Variants in CD163L1 observed in about 807,000 individuals in gnomAD.
The protein encoded by CD163L1 is CD163 molecule like 1, also known as scavenger receptor cysteine-rich type 1 protein M160.
Under a neutral mutation model 165.4 loss-of-function variants are expected in CD163L1, and 124 were observed. The ratio of observed to expected loss-of-function variants is 0.75; its 90% CI spans 0.65 to 0.87. The LOEUF is 0.87. CD163L1 is among the 40% of genes least tolerant of loss of function. The probability of loss-of-function intolerance (pLI) is 0.00; values close to 1 mark genes in which losing one functional copy is unlikely to be tolerated. For synonymous variants in CD163L1, 585 were observed against 662.2 expected (o/e 0.88, Z 1.79); for missense variants, 1,525 against 1,799.9 (o/e 0.85, Z 2.76).
At chr12:7,341,186 CATT>C in the CD163L1 span, among the ~76,000 whole-genome samples, 2 of 152,100 alleles carry the variant, frequency 1.3e-5, no homozygotes, top group Admixed American at 6.5e-5. Flanking sequence ...AGTCACAGAA[CATT>C]AGCTCTAGAA....
intron 8 of CD163L1, among the ~76,000 whole-genome samples, chr12:7,380,714 A>C (rs1226424153): frequency 6.6e-6 from 1 of 152,170 alleles, no homozygotes; most frequent in African/African-American, 2.4e-5. Context: ...TCAAAATCTC[A>C]CAAATCAAAA....
At chr12:7,415,218 T>A (rs1194341422) in intron 4 of CD163L1, among the ~76,000 whole-genome samples, 2 of 152,072 alleles carry the variant, frequency 1.3e-5, no homozygotes, top group African/African-American at 2.4e-5. Context: ...AGATCTGCAT[T>A]TCATGGGAGT....
At chr12:7,428,014 A>C (rs964531922) in intron 4 of CD163L1, among the ~76,000 whole-genome samples, 6 of 152,104 alleles carry the variant, frequency 3.9e-5, no homozygotes, top group Non-Finnish European at 7.4e-5. Context: ...AGCTTTGTTT[A>C]TATGTCATTC....
chr12:7,361,024 G>A (rs1375709447), intron 18 of CD163L1, among the ~76,000 whole-genome samples: 1 of 152,088 alleles, frequency 6.6e-6, no homozygotes, highest in Non-Finnish European at 1.5e-5. Flanking sequence ...GGTTCAGATT[G>A]CAAGTTCTGT....
At chr12:7,414,234 G>A (rs1394724038) in intron 4 of CD163L1, among the ~76,000 whole-genome samples, 1 of 152,070 alleles carries the variant, frequency 6.6e-6, no homozygotes, top group Non-Finnish European at 1.5e-5. Context: ...GGAAAATAAT[G>A]TATGAACAAA....
intron 1 of CD163L1, among the ~76,000 whole-genome samples, chr12:7,441,649 T>C (rs1948832470): frequency 6.6e-6 from 1 of 152,226 alleles, no homozygotes; most frequent in South Asian, 2.1e-4. Flanking sequence ...ATTCATTTGC[T>C]CCTTTATTGA....
the CD163L1 span, among the ~76,000 whole-genome samples, chr12:7,338,342 A>G: frequency 6.6e-6 from 1 of 152,158 alleles, no homozygotes; most frequent in Non-Finnish European, 1.5e-5. Flanking sequence ...AAAAAGAAAA[A>G]TAAATTGTTC....
intron 4 of CD163L1, among the ~76,000 whole-genome samples, chr12:7,424,878 A>G (rs1343783747): frequency 6.6e-6 from 1 of 152,196 alleles, no homozygotes; most frequent in East Asian, 1.9e-4. Flanking sequence ...CATGGATAAA[A>G]AGATTCAATA....
chr12:7,394,054 G>C (rs749514881), intron 8 of CD163L1, among the ~76,000 whole-genome samples: 1 of 148,978 alleles, frequency 6.7e-6, no homozygotes, highest in Non-Finnish European at 1.5e-5. Flanking sequence ...TTTCTTCACC[G>C]AATTGGAAAA....
chr12:7,368,449 A>C lies in CD163L1; in HGVS notation c.4073-252T>G, dbSNP rs934558532. ...ATTTTATACAAGAGATTTGATAACTAAACCTTTCCTCTTGCATTGCATTCA... is the reference window on the plus strand; with the variant it reads ...ATTTTATACAAGAGATTTGATAACTCAACCTTTCCTCTTGCATTGCATTCA... On this transcript the variant is annotated intron_variant, in intron 16 of 19. Transcript: ENST00000313599. This position sits in a 1 kb window ranked among gnomAD's most constrained non-coding sequence, Gnocchi z 4.3. Among the ~76,000 whole-genome samples the C allele has an allele frequency of 8.5e-5, 13 of 152,166 alleles. No individual in the cohort carries two copies. The highest frequency in any genetic ancestry group is 1.8e-4 in the Non-Finnish European group (12 of 68,026).
the CD163L1 span, among the ~76,000 whole-genome samples, chr12:7,319,312 TA>T: frequency 2.6e-5 from 4 of 152,062 alleles, no homozygotes; most frequent in Non-Finnish European, 5.9e-5. Context: ...GGGGAGTGGC[TA>T]TAAATACAGA....
intron 6 of CD163L1, among the ~76,000 whole-genome samples, chr12:7,399,357 CTTCTTTCTCT>C (rs1458792489): frequency 1.4e-4 from 11 of 78,584 alleles, no homozygotes; most frequent in African/African-American, 4.7e-4. Flanking sequence ...TTCATTCTCT[CTTCTTTCTCT>C]TTCTTTCTCT....
chr12:7,423,901 C>A (rs1948487502), intron 4 of CD163L1, among the ~76,000 whole-genome samples: 1 of 151,908 alleles, frequency 6.6e-6, no homozygotes. Context: ...GCCAGAGGTA[C>A]AAAGAGGATT....
At chr12:7,388,310 C>G (rs1024013650) in intron 8 of CD163L1, among the ~76,000 whole-genome samples, 9 of 152,148 alleles carry the variant, frequency 5.9e-5, no homozygotes, top group African/African-American at 2.2e-4. Context: ...GCAAAGGGAA[C>G]AATTAACAGA....
At chr12:7,427,663 T>C (rs1948567993) in intron 4 of CD163L1, among the ~76,000 whole-genome samples, 1 of 152,066 alleles carries the variant, frequency 6.6e-6, no homozygotes, top group Admixed American at 6.6e-5. Flanking sequence ...CAAACTCATT[T>C]AAGGGCTTTA....
Position 7,398,551 on chromosome 12 carries a change from G to T in CD163L1, c.1442C>A (p.Ala481Asp). Residue 481 changes from alanine to aspartate, a missense_variant, in exon 7 of 20, where the codon GCT (alanine) becomes GAT (aspartate). Coordinates refer to ENST00000313599, the MANE Select transcript of CD163L1 (RefSeq NM_174941.6). The surrounding 1 kb of genome is among the most constrained non-coding windows in gnomAD (Gnocchi z 4.5). ...KADLDLRLVG[A>D]HSPCYGRLEV... ...CAATCTCCCATAACAGGGGCTATGA[G>T]CCCCGACAAGCCTTAGGTCCAGATC... 1 of 1,600,256 alleles carries T rather than the reference G, an allele frequency of 6.2e-7. No homozygotes were observed. Among genetic ancestry groups the T allele is most frequent in the Non-Finnish European group, 8.5e-7 (1 of 1,173,676 alleles).
chr12:7,327,168 G>C, the CD163L1 span: 1 of 1,452,392 alleles, frequency 6.9e-7, no homozygotes, highest in Non-Finnish European at 9.2e-7. Flanking sequence ...GATTTTACTG[G>C]ATTTTGATTT....
At chr12:7,384,659 GA>G (rs981740240) in intron 8 of CD163L1, among the ~76,000 whole-genome samples, 1 of 151,920 alleles carries the variant, frequency 6.6e-6, no homozygotes, top group Non-Finnish European at 1.5e-5. Flanking sequence ...AGTGCTAAAA[GA>G]AAAAAATGCC....
At chr12:7,378,475 A>C (rs1343585589) in intron 9 of CD163L1, among the ~76,000 whole-genome samples, 1 of 152,152 alleles carries the variant, frequency 6.6e-6, no homozygotes, top group Non-Finnish European at 1.5e-5. Flanking sequence ...TACTCCATAA[A>C]TAACCTTTCC....
Sources: allele counts gnomAD v4.1 joint callset (sites outside exome capture counted in the v4.1 genomes callset), GRCh38; gene constraint gnomAD v4.1.1; non-coding constraint Gnocchi (gnomAD v3.1); transcripts MANE v1.5; gene names NCBI Gene and HGNC (gene_info 2026-07-23, HGNC 2026-07-21).